Variants in DHRSX observed in about 807,000 individuals in gnomAD.
DHRSX encodes polyprenol dehydrogenase.
Under a neutral mutation model 34.0 loss-of-function variants are expected in DHRSX, and 31 were observed. The observed-to-expected ratio is 0.91, with a 90% CI of 0.69 to 1.23. The LOEUF (loss-of-function observed/expected upper bound fraction) is 1.23, where lower values mean the gene tolerates loss of function less well. DHRSX is among the 50% of genes most tolerant of loss of function. The probability of loss-of-function intolerance (pLI) is 0.00; values close to 1 mark genes in which losing one functional copy is unlikely to be tolerated. For synonymous variants in DHRSX, 201 were observed against 183.8 expected, an observed-to-expected ratio of 1.09 and a Z score of -0.76; for missense variants, 414 against 428.1, an observed-to-expected ratio of 0.97 and a Z score of 0.29.
chrX:2,480,417 C>A (rs190039737), intron 1 of DHRSX, among the ~76,000 whole-genome samples: 1 of 150,334 alleles, frequency 6.7e-6, no homozygotes, highest in African/African-American at 2.5e-5. Flanking sequence ...AGCGGTGGCT[C>A]ATGTCTGGAA....
chrX:2,362,644 AC>A (rs1304704275), intron 3 of DHRSX, among the ~76,000 whole-genome samples: 1 of 152,230 alleles, frequency 6.6e-6, no homozygotes, highest in Non-Finnish European at 1.5e-5. Flanking sequence ...GGAGTTGAAC[AC>A]TGGAGAAGGA....
chrX:2,473,200 C>T (rs765820077), intron 1 of DHRSX, among the ~76,000 whole-genome samples: 42 of 152,166 alleles, frequency 2.8e-4, no homozygotes, highest in African/African-American at 9.2e-4. Context: ...ACACGTGGGA[C>T]GCCAAAAACC....
At chrX:2,495,238 C>T (rs1405521030) in intron 1 of DHRSX, among the ~76,000 whole-genome samples, 3 of 151,106 alleles carry the variant, frequency 2.0e-5, no homozygotes, top group Non-Finnish European at 4.4e-5. Context: ...GGCTGAAAGA[C>T]GTTCCAGGAC....
intron 3 of DHRSX, among the ~76,000 whole-genome samples, chrX:2,394,047 TATG>T (rs1177525171): frequency 2.0e-5 from 3 of 152,212 alleles, no homozygotes; most frequent in African/African-American, 7.2e-5. Flanking sequence ...TCATGACTGC[TATG>T]ATTTTTCACA....
At chrX:2,319,762 T>C (rs960728632) in intron 3 of DHRSX, among the ~76,000 whole-genome samples, 32 of 152,002 alleles carry the variant, frequency 2.1e-4, no homozygotes, top group African/African-American at 7.7e-4. Flanking sequence ...AGTCAGAACC[T>C]ATACATAGAT....
chrX:2,449,411 A>G (rs183428320), intron 1 of DHRSX, among the ~76,000 whole-genome samples: 29 of 152,156 alleles, frequency 1.9e-4, no homozygotes, highest in Admixed American at 1.2e-3. Context: ...AGCTCCCCAT[A>G]GAACTCCAAA....
intron 3 of DHRSX, among the ~76,000 whole-genome samples, chrX:2,382,578 A>G (rs1307583426): frequency 6.7e-6 from 1 of 149,178 alleles, no homozygotes; most frequent in African/African-American, 2.5e-5. Context: ...CATCATCACC[A>G]TCACCATCAT....
At chrX:2,300,766 C>T (rs1388738743) in intron 3 of DHRSX, among the ~76,000 whole-genome samples, 1 of 152,070 alleles carries the variant, frequency 6.6e-6, no homozygotes, top group African/African-American at 2.4e-5. Context: ...AATAAACCCC[C>T]CTTTATATAT....
At chrX:2,441,049 T>G (rs2044056473) in intron 1 of DHRSX, among the ~76,000 whole-genome samples, 1 of 152,126 alleles carries the variant, frequency 6.6e-6, no homozygotes, top group Non-Finnish European at 1.5e-5. Context: ...ACACTCTAGT[T>G]TCCACAGCCA....
chrX:2,377,819 AC>A (rs1350251726), intron 3 of DHRSX, among the ~76,000 whole-genome samples: 1 of 151,286 alleles, frequency 6.6e-6, no homozygotes. Context: ...GCTCACTGCA[AC>A]CTCCGCCTCC....
At chrX:2,478,805 C>G (rs781543176) in intron 1 of DHRSX, among the ~76,000 whole-genome samples, 1 of 150,180 alleles carries the variant, frequency 6.7e-6, no homozygotes, top group Non-Finnish European at 1.5e-5. Context: ...GAATGTGGCC[C>G]GGGGACCACC....
chrX:2,358,715 G>A (rs1325350111), intron 3 of DHRSX, among the ~76,000 whole-genome samples: 2 of 152,102 alleles, frequency 1.3e-5, no homozygotes, highest in African/African-American at 4.8e-5. Context: ...TAACTAAATT[G>A]CACAATATTC....
chrX:2,445,018 C>T (rs778588853), intron 1 of DHRSX, among the ~76,000 whole-genome samples: 2 of 151,810 alleles, frequency 1.3e-5, no homozygotes, highest in African/African-American at 2.4e-5. Flanking sequence ...TTAGCTGGGC[C>T]TGGTGGCGGA....
At chrX:2,332,089 C>A (rs2042485883) in intron 3 of DHRSX, among the ~76,000 whole-genome samples, 1 of 152,182 alleles carries the variant, frequency 6.6e-6, no homozygotes, top group Non-Finnish European at 1.5e-5. Context: ...ACAGTCTTAG[C>A]ATAATGCTCA....
chrX:2,220,295 C>T lies in DHRSX; in HGVS notation c.*746G>A, dbSNP rs1048644500. ...AACCCTCGTGATGGCATTAGGTTCA[C>T]TGGGATGATCCATAATGACCCATCT... On this transcript the variant is annotated 3_prime_UTR_variant, in exon 7 of 7. Transcript: ENST00000334651. 4 of 152,186 alleles carry T rather than the reference C, an allele frequency of 2.6e-5. No homozygotes were observed. The highest frequency in any genetic ancestry group is 5.9e-5 in the Non-Finnish European group (4 of 68,050). The allele number at this position is 152,186 out of a possible 1,614,324, so 9.4% of individuals were successfully genotyped here. A position where few individuals can be genotyped will look rare whatever the true frequency, so the allele number is the denominator to read the frequency against.
chrX:2,259,331 G>GAT (rs890908875), intron 5 of DHRSX, among the ~76,000 whole-genome samples: 16 of 144,512 alleles, frequency 1.1e-4, no homozygotes, highest in South Asian at 2.1e-4. Flanking sequence ...GATAGATATA[G>GAT]ATATATATAG....
chrX:2,312,849 G>A (rs2042179659), intron 3 of DHRSX, among the ~76,000 whole-genome samples: 1 of 152,044 alleles, frequency 6.6e-6, no homozygotes, highest in South Asian at 2.1e-4. Context: ...GGTCCTGGAG[G>A]AGGTCCTGCC....
intron 2 of DHRSX, among the ~76,000 whole-genome samples, chrX:2,413,152 G>A (rs866737938): frequency 2.0e-5 from 3 of 151,982 alleles, no homozygotes; most frequent in Non-Finnish European, 2.9e-5. Flanking sequence ...CCGAGATTGC[G>A]CCACTGCACT....
chrX:2,430,896 A>G (rs1357793658), intron 1 of DHRSX, among the ~76,000 whole-genome samples: 1 of 152,042 alleles, frequency 6.6e-6, no homozygotes, highest in Non-Finnish European at 1.5e-5. Context: ...ATGGTGGCAC[A>G]CGGCTGTCAT....
Sources: gnomAD v4.1 joint callset for allele counts (sites outside exome capture counted in the v4.1 genomes callset) on GRCh38, gnomAD v4.1.1 for gene constraint, MANE v1.5 for transcripts, NCBI Gene and HGNC (gene_info 2026-07-23, HGNC 2026-07-21) for gene names.